The following AGBL1 variants were observed in gnomAD, a reference collection of about 807,000 sequenced individuals.
The protein encoded by AGBL1 is cytosolic carboxypeptidase 4.
A neutral mutation model predicts 118.9 loss-of-function variants in AGBL1; 130 were observed. That is an observed-to-expected ratio of 1.09 (90% CI 0.95 to 1.26). The LOEUF is 1.26. AGBL1 is among the 50% of genes most tolerant of loss of function. The pLI, the probability that AGBL1 is intolerant of heterozygous loss-of-function variation, is 0.00. For synonymous variants in AGBL1, 555 were observed against 478.9 expected, an observed-to-expected ratio of 1.16 and a Z score of -2.08; for missense variants, 1,584 against 1,298.1, an observed-to-expected ratio of 1.22 and a Z score of -3.38.
rs140142169 is a variant in AGBL1, at chr15:87,009,730, G to A, written c.3324-19095G>A. 4.1e-3 allele frequency among the ~76,000 whole-genome samples: 629 copies of A among 152,286 alleles called. 5 individuals carry two copies. The highest frequency in any genetic ancestry group is 6.5e-3 in the Non-Finnish European group (441 of 68,026). On this transcript the variant is annotated intron_variant, in intron 24 of 24. Coordinates refer to the AGBL1 transcript ENST00000441037. ...TCCCCAAGGCCATGGGAGCCCACTT[G>A]CATCAGAGTGACCTAGATATAAGAC...
At chr15:86,900,681 CT>C (rs1668170809) in intron 22 of AGBL1, among the ~76,000 whole-genome samples, 1 of 150,240 alleles carries the variant, frequency 6.7e-6, no homozygotes, top group East Asian at 1.9e-4. Context: ...TGTATTCTTC[CT>C]TCTATAAACA....
At chr15:86,422,953 C>T (rs570683871) in intron 18 of AGBL1, among the ~76,000 whole-genome samples, 1 of 152,270 alleles carries the variant, frequency 6.6e-6, no homozygotes, top group Admixed American at 6.5e-5. Flanking sequence ...TGATAGCTTA[C>T]CAACCAAAAA....
chr15:86,508,820 G>A lies in AGBL1; in HGVS notation c.2556-13990G>A, dbSNP rs537963977. 2.2e-4 allele frequency among the ~76,000 whole-genome samples: 33 copies of A among 152,230 alleles called. No individual in the cohort carries two copies. In the South Asian group the frequency reaches 4.4e-3, roughly 20 times the overall value. Reference sequence around the variant, plus strand: ...AAATCTGTAGTTAAGCGAAAATTCAGAACAGTATTGATGGTGATGCAAATG... The same window carrying A: ...AAATCTGTAGTTAAGCGAAAATTCAAAACAGTATTGATGGTGATGCAAATG... On this transcript the variant is annotated intron_variant, in intron 18 of 22. Transcript: ENST00000614907.
intron 21 of AGBL1, among the ~76,000 whole-genome samples, chr15:86,595,847 G>A (rs192740883): frequency 6.6e-6 from 1 of 152,128 alleles, no homozygotes; most frequent in East Asian, 1.9e-4. Context: ...GGGCACTGCT[G>A]ATTGGTTGGA....
chr15:86,763,057 G>A (rs1007345816), intron 22 of AGBL1, among the ~76,000 whole-genome samples: 10 of 152,178 alleles, frequency 6.6e-5, no homozygotes, highest in East Asian at 1.9e-4. Context: ...AGCAGAAGAT[G>A]TGAGCAGTTG....
rs912523502 is a variant in AGBL1 at position 86,573,829 on chromosome 15, A to G, written c.2994+19292A>G. Among the ~76,000 whole-genome samples, 5 of 152,336 alleles carry G rather than the reference A, an allele frequency of 3.3e-5. No homozygotes were observed. In the South Asian group the frequency reaches 8.3e-4, roughly 25 times the overall value. ...AATGTTTCAAACTCCTCAGACTGATAAAGAGTAGTAAAATTTAAATAGGGC... is the reference window on the plus strand; with the variant it reads ...AATGTTTCAAACTCCTCAGACTGATGAAGAGTAGTAAAATTTAAATAGGGC... On this transcript the variant is annotated intron_variant, in intron 21 of 22. Transcript: ENST00000614907.
intron 22 of AGBL1, among the ~76,000 whole-genome samples, chr15:86,885,981 CAT>C (rs2079964143): frequency 6.6e-6 from 1 of 152,150 alleles, no homozygotes; most frequent in Admixed American, 6.5e-5. Flanking sequence ...CTGATAGAAA[CAT>C]AGAATTTGGG....
chr15:86,158,337 C>T (rs372416584), intron 4 of AGBL1, among the ~76,000 whole-genome samples: 1 of 152,182 alleles, frequency 6.6e-6, no homozygotes, highest in Non-Finnish European at 1.5e-5. Flanking sequence ...TTCTCTAAGA[C>T]CTCTTGTTCC....
intron 17 of AGBL1, among the ~76,000 whole-genome samples, chr15:86,346,355 T>C (rs1000759621): frequency 2.7e-5 from 4 of 147,028 alleles, no homozygotes; most frequent in African/African-American, 1.0e-4. Flanking sequence ...TTTCTTTTTC[T>C]TTTTTTTTTG....
intron 1 of AGBL1, among the ~76,000 whole-genome samples, chr15:86,124,972 T>C (rs1344206909): frequency 2.6e-5 from 4 of 152,224 alleles, no homozygotes; most frequent in African/African-American, 7.2e-5. Context: ...GGTTTTAGAA[T>C]TAAGTTGTTC....
intron 7 of AGBL1, among the ~76,000 whole-genome samples, chr15:86,250,575 G>C (rs1424465024): frequency 8.9e-6 from 1 of 111,868 alleles, no homozygotes; most frequent in African/African-American, 3.6e-5. Context: ...AAAAAAAAAG[G>C]TGTGCTCTTC....
chr15:86,384,456 C>G (rs996813510), intron 17 of AGBL1, among the ~76,000 whole-genome samples: 26 of 152,162 alleles, frequency 1.7e-4, no homozygotes, highest in Non-Finnish European at 8.8e-5. Context: ...TCCCAAGTGA[C>G]TGCCGTTTCT....
intron 18 of AGBL1, among the ~76,000 whole-genome samples, chr15:86,463,287 T>G (rs1567005431): frequency 6.6e-6 from 1 of 151,662 alleles, no homozygotes; most frequent in Non-Finnish European, 1.5e-5. Context: ...TGGGGTTGTT[T>G]GTTTTTTTTT....
intron 23 of AGBL1, among the ~76,000 whole-genome samples, chr15:86,922,616 G>T (rs1235461412): frequency 2.0e-5 from 3 of 152,174 alleles, no homozygotes; most frequent in Admixed American, 2.0e-4. Context: ...AAACTAAACA[G>T]AAGGTAGAAA....
chr15:86,595,961 A>T (rs1220510481), intron 21 of AGBL1, among the ~76,000 whole-genome samples: 3 of 152,004 alleles, frequency 2.0e-5, no homozygotes, highest in Non-Finnish European at 4.4e-5. Context: ...CTGTGGAGTT[A>T]GTTAGTCCCC....
intron 23 of AGBL1, among the ~76,000 whole-genome samples, chr15:86,960,333 T>A (rs556204631): frequency 1.3e-5 from 2 of 152,142 alleles, no homozygotes; most frequent in African/African-American, 4.8e-5. Flanking sequence ...CTCATATCTA[T>A]AAACTACAGG....
chr15:86,127,433 A>T (rs1383186006), intron 1 of AGBL1, among the ~76,000 whole-genome samples: 1 of 152,188 alleles, frequency 6.6e-6, no homozygotes, highest in Non-Finnish European at 1.5e-5. Context: ...CAGGATAGGA[A>T]ATCCAGTGTC....
chr15:86,852,611 C>A (rs142241694), intron 22 of AGBL1, among the ~76,000 whole-genome samples: 64 of 152,264 alleles, frequency 4.2e-4, no homozygotes, highest in African/African-American at 1.5e-3. Flanking sequence ...TTAAAAATAT[C>A]CTTCCTACAT....
At chr15:86,330,731 A>C (rs1226296314) in intron 17 of AGBL1, among the ~76,000 whole-genome samples, 1 of 152,240 alleles carries the variant, frequency 6.6e-6, no homozygotes. Flanking sequence ...GAAACTTCTA[A>C]AGCAATCCAG....
Sources: allele counts gnomAD v4.1 joint callset (sites outside exome capture counted in the v4.1 genomes callset), GRCh38; gene constraint gnomAD v4.1.1; transcripts MANE v1.5; gene names NCBI Gene and HGNC (gene_info 2026-07-23, HGNC 2026-07-21).